The following PCF11 variants were observed in gnomAD, a reference collection of about 807,000 sequenced individuals.
The protein encoded by PCF11 is pre-mRNA cleavage complex 2 protein Pcf11.
PCF11 carries 19 observed loss-of-function variants against 166.1 expected under a neutral mutation model. The ratio of observed to expected loss-of-function variants is 0.11; its 90% CI spans 0.08 to 0.17. The LOEUF (loss-of-function observed/expected upper bound fraction) is 0.17. Ranked by LOEUF, PCF11 falls within the 10% of genes least tolerant of loss-of-function variation. The pLI is 1.00. For missense variants in PCF11, 1,565 were observed against 1,855.5 expected, an observed-to-expected ratio of 0.84 and a Z score of 2.88; for synonymous variants, 663 against 644.1, an observed-to-expected ratio of 1.03 and a Z score of -0.44.
At chr11:83,166,566 C>A (rs545571883) in exon 5 of PCF11, 3 of 1,613,684 alleles carry the variant, frequency 1.9e-6, no homozygotes, top group African/African-American at 2.7e-5. Context: ...GGATCCAAGG[C>A]GAATGAAAAA....
chr11:83,177,006 T>C, intron 9 of PCF11, 79 bp from the exon 10 acceptor site: 1 of 1,034,638 alleles, frequency 9.7e-7, no homozygotes, highest in Non-Finnish European at 1.3e-6. Context: ...CTTTGAAAAA[T>C]GCTTAGTATA....
intron 10 of PCF11, 62 bp downstream of exon 10, chr11:83,177,266 G>A (rs1860919242): frequency 1.6e-6 from 2 of 1,225,558 alleles, no homozygotes; most frequent in Admixed American, 3.0e-5. Flanking sequence ...GATGTATGAT[G>A]TAATATAATG....
chr11:83,167,770 T>C lies in PCF11; in HGVS notation c.2092+265T>C. 6.3e-6 allele frequency: 9 copies of C among 1,421,592 alleles called. No individual in the cohort carries two copies. Among genetic ancestry groups the C allele is most frequent in the Non-Finnish European group, 8.4e-6 (9 of 1,075,218 alleles). 88.1% of individuals were successfully genotyped at this position (1,421,592 alleles called of 1,614,324 possible). A position where few individuals can be genotyped will look rare whatever the true frequency, so the allele number is the denominator to read the frequency against. ...GCAAGTAGGAATAGTGGAGCACAGT[T>C]TGACAGAAAAGAACAATTTAGTGAA... On this transcript the variant is annotated intron_variant, in intron 7 of 15. Coordinates refer to ENST00000298281, the Ensembl canonical transcript of PCF11. This position sits in a 1 kb window ranked among gnomAD's most constrained non-coding sequence, Gnocchi z 4.2.
At chr11:83,181,924 A>G in exon 13 of PCF11, 2 of 1,612,548 alleles carry the variant, frequency 1.2e-6, no homozygotes, top group Non-Finnish European at 1.7e-6. Flanking sequence ...GAAAAGGTGC[A>G]TGAAGAAGTT....
At chr11:83,179,394 C>G (rs1590937488) in intron 11 of PCF11, among the ~76,000 whole-genome samples, 2 of 152,002 alleles carry the variant, frequency 1.3e-5, no homozygotes, top group South Asian at 2.1e-4. Flanking sequence ...AGATTATAGG[C>G]ACCCATCACC....
chr11:83,167,029 A>G lies in PCF11; in HGVS notation c.1818-96A>G, dbSNP rs1860489153. On this transcript the variant is annotated intron_variant, in intron 5 of 15. Coordinates refer to ENST00000298281, the Ensembl canonical transcript of PCF11. This position sits in a 1 kb window ranked among gnomAD's most constrained non-coding sequence, Gnocchi z 4.2. ...TTACTTTTTGTGGTTACATATGCCC[A>G]TTTTAACCATATCCTTTGAAAAGAA... The G allele has an allele frequency of 7.8e-6, 8 of 1,025,918 alleles. No homozygotes were observed. Among genetic ancestry groups the G allele is most frequent in the Non-Finnish European group, 8.6e-6 (6 of 695,226 alleles). 63.6% of individuals were successfully genotyped at this position (1,025,918 alleles called of 1,614,324 possible).
intron 2 of PCF11, among the ~76,000 whole-genome samples, chr11:83,163,214 C>G (rs1306550454): frequency 1.3e-5 from 2 of 152,108 alleles, no homozygotes; most frequent in African/African-American, 2.4e-5. Flanking sequence ...TCCTATGTAC[C>G]CAACCATATA....
chr11:83,184,803 A>G (rs1861218857), exon 16 of PCF11: 2 of 1,608,000 alleles, frequency 1.2e-6, no homozygotes, highest in Non-Finnish European at 1.7e-6. Flanking sequence ...GTTAAGGAAG[A>G]ACGAATTGAT....
chr11:83,171,310 G>A (rs776154749), intron 8 of PCF11: 12 of 455,490 alleles, frequency 2.6e-5, no homozygotes, highest in South Asian at 1.9e-4. Flanking sequence ...AATTCAGAAT[G>A]CTAATTAGAA....
At chr11:83,186,972 G>A (rs924204531) in exon 16 of PCF11, 2 of 152,300 alleles carry the variant, frequency 1.3e-5, no homozygotes, top group African/African-American at 2.4e-5. Flanking sequence ...AAGGATGGGG[G>A]AACAAAGACT....
rs1214379614 is a variant in PCF11 at position 83,169,943 on chromosome 11, T to A, written c.3608T>A (p.Phe1203Tyr). The change falls in exon 8 of 16, where the codon TTT becomes TAT. Residue 1203 changes from phenylalanine to tyrosine, a missense_variant. Transcript: ENST00000298281. ...CTTCAGAGTTCTCAATTTGGAAACT[T>A]TGGCAATATACCTGCTCCAATGACA... 1.2e-6 allele frequency: 2 copies of A among 1,608,204 alleles called. No homozygotes were observed. The highest frequency in any genetic ancestry group is 1.3e-5 in the African/African-American group (1 of 74,592).
intron 14 of PCF11, 108 bp downstream of exon 14, chr11:83,182,599 G>T: frequency 1.6e-6 from 1 of 637,786 alleles, no homozygotes; most frequent in Non-Finnish European, 2.8e-6. Context: ...TTGATTTTTG[G>T]TCTTAATAAA....
chr11:83,161,513 A>G (rs1315455342), intron 2 of PCF11, 61 bp downstream of exon 2: 1 of 1,307,774 alleles, frequency 7.6e-7, no homozygotes, highest in Non-Finnish European at 1.0e-6. Context: ...TGATTAAATA[A>G]ATATTTGCTT....
At chr11:83,184,830 C>A in exon 16 of PCF11, 1 of 1,591,260 alleles carries the variant, frequency 6.3e-7, no homozygotes, top group Non-Finnish European at 8.5e-7. Flanking sequence ...CCAGCTTGTA[C>A]AGAGGAAAGC....
intron 9 of PCF11, 111 bp downstream of exon 9, chr11:83,172,025 T>C: frequency 1.6e-6 from 1 of 638,254 alleles, no homozygotes; most frequent in East Asian, 2.7e-5. Context: ...ATATTTAATT[T>C]AGAGAAATTT....
exon 8 of PCF11, chr11:83,168,550 A>G: frequency 6.2e-7 from 1 of 1,614,054 alleles, no homozygotes; most frequent in South Asian, 1.1e-5. Flanking sequence ...CCTGGATACA[A>G]ATCAGCGACT....
At chr11:83,184,838 A>C (rs768640095) in exon 16 of PCF11, 2 of 1,592,126 alleles carry the variant, frequency 1.3e-6, no homozygotes, top group Admixed American at 3.8e-5. Context: ...TACAGAGGAA[A>C]GCATAGCAAC....
chr11:83,165,366 A>G (rs563420388), intron 4 of PCF11, among the ~76,000 whole-genome samples: 2 of 152,346 alleles, frequency 1.3e-5, no homozygotes, highest in Non-Finnish European at 2.9e-5. Flanking sequence ...CATTCTATTT[A>G]GAGATTATAT....
exon 2 of PCF11, chr11:83,161,428 A>G (rs920788779): frequency 1.3e-5 from 20 of 1,593,980 alleles, no homozygotes; most frequent in Non-Finnish European, 1.5e-5. Flanking sequence ...ATCTAGTTGC[A>G]ACATTTATTT....
Sources: gnomAD v4.1 joint callset for allele counts (sites outside exome capture counted in the v4.1 genomes callset) on GRCh38, gnomAD v4.1.1 for gene constraint, Gnocchi (gnomAD v3.1) non-coding constraint, MANE v1.5 for transcripts, NCBI Gene and HGNC (gene_info 2026-07-23, HGNC 2026-07-21) for gene names.